The following MTHFD1L variants were observed in gnomAD, a reference collection of about 807,000 sequenced individuals.
MTHFD1L encodes the protein monofunctional C1-tetrahydrofolate synthase, mitochondrial.
In MTHFD1L, 81 loss-of-function variants were observed where a neutral mutation model predicts 119.5. That is an observed-to-expected ratio of 0.68 (90% CI 0.57 to 0.82). MTHFD1L has a LOEUF of 0.82. Among genes scored for constraint, MTHFD1L ranks in the 40% least tolerant of loss-of-function variants. MTHFD1L has a pLI of 0.00. For missense variants in MTHFD1L, 1,125 were observed against 1,253.4 expected (o/e 0.90, Z 1.55); for synonymous variants, 430 against 475.2 (o/e 0.90, Z 1.24).
intron 24 of MTHFD1L, among the ~76,000 whole-genome samples, chr6:151,031,200 A>C (rs1219347191): frequency 6.6e-6 from 1 of 152,222 alleles, no homozygotes; most frequent in African/African-American, 2.4e-5. Context: ...GTTCTTCCTT[A>C]AACACTGCAC....
intron 4 of MTHFD1L, among the ~76,000 whole-genome samples, chr6:150,882,295 G>C (rs1781505732): frequency 2.6e-5 from 4 of 152,226 alleles, no homozygotes; most frequent in Admixed American, 2.6e-4. Flanking sequence ...TGATTAGTGA[G>C]CTGTGTTGAA....
At chr6:150,943,642 A>G (rs803447) in intron 13 of MTHFD1L, among the ~76,000 whole-genome samples, 97,161 of 152,052 alleles carry the variant, frequency 0.64, 31,791 homozygotes, top group African/African-American at 0.79. Flanking sequence ...AGTAGCGTAT[A>G]TATCCAGCCT....
chr6:151,080,893 CT>C (rs1266022759), intron 26 of MTHFD1L, among the ~76,000 whole-genome samples: 1 of 152,264 alleles, frequency 6.6e-6, no homozygotes, highest in South Asian at 2.1e-4. Flanking sequence ...TGCTTATGAC[CT>C]TTTTGGGTTG....
intron 20 of MTHFD1L, among the ~76,000 whole-genome samples, chr6:150,988,992 A>G (rs888082999): frequency 3.9e-5 from 6 of 152,154 alleles, no homozygotes; most frequent in African/African-American, 1.4e-4. Flanking sequence ...TGCCCACCTC[A>G]GCTTCCCAAA....
At chr6:151,066,298 G>C (rs927610765) in intron 26 of MTHFD1L, among the ~76,000 whole-genome samples, 1 of 151,808 alleles carries the variant, frequency 6.6e-6, no homozygotes, top group Non-Finnish European at 1.5e-5. Flanking sequence ...TCAGCCTGGC[G>C]TGGTGGCAGG....
intron 26 of MTHFD1L, among the ~76,000 whole-genome samples, chr6:151,086,270 G>GTC (rs1160808219): frequency 6.6e-6 from 1 of 152,022 alleles, no homozygotes; most frequent in Non-Finnish European, 1.5e-5. Flanking sequence ...TATAGTGTGT[G>GTC]TCTCTCTCTC....
rs182033032 is a variant in MTHFD1L, at chr6:150,905,920, T to C, written c.892+159T>C. On this transcript the variant is annotated intron_variant, in intron 8 of 27. Transcript: ENST00000367321. ...GACTGTGGGCTACCTGATAGAACCATGCTGTTGAGCAAAGAGAGACCAAGA... is the reference window on the plus strand; with the variant it reads ...GACTGTGGGCTACCTGATAGAACCACGCTGTTGAGCAAAGAGAGACCAAGA... Among the ~76,000 whole-genome samples the C allele has an allele frequency of 6.6e-5, 10 of 152,328 alleles. No homozygotes were observed. The East Asian group carries it at 1.9e-3, about 29-fold the overall frequency.
At chr6:151,097,548 C>T (rs977436669) in intron 27 of MTHFD1L, among the ~76,000 whole-genome samples, 1 of 152,182 alleles carries the variant, frequency 6.6e-6, no homozygotes, top group Non-Finnish European at 1.5e-5. Flanking sequence ...AGCTAAAAAG[C>T]TTACCCTCAT....
intron 5 of MTHFD1L, among the ~76,000 whole-genome samples, chr6:150,883,976 G>A (rs182783278): frequency 2.9e-3 from 444 of 152,116 alleles, no homozygotes; most frequent in Admixed American, 4.7e-3. Flanking sequence ...TGTGACTTGA[G>A]TAGACCCAAA....
intron 16 of MTHFD1L, among the ~76,000 whole-genome samples, chr6:150,949,911 G>A (rs1256275206): frequency 6.6e-6 from 1 of 152,160 alleles, no homozygotes; most frequent in African/African-American, 2.4e-5. Flanking sequence ...CAGAAACACG[G>A]CAACCACATT....
chr6:150,956,188 C>T, intron 17 of MTHFD1L, 117 bp downstream of exon 17: 1 of 1,031,370 alleles, frequency 9.7e-7, no homozygotes, highest in Admixed American at 1.9e-5. Flanking sequence ...CAGTGGTTCT[C>T]TCACTGTTTT....
intron 20 of MTHFD1L, among the ~76,000 whole-genome samples, chr6:151,000,335 CAAAAAAAAA>C (rs946814251): frequency 0.021 from 1,603 of 75,340 alleles, 98 homozygotes; most frequent in Admixed American, 0.17. Context: ...GACTCTGTCT[CAAAAAAAAA>C]AAAAAAAAGA....
At chr6:150,884,261 C>T (rs1480092038) in intron 5 of MTHFD1L, among the ~76,000 whole-genome samples, 1 of 151,738 alleles carries the variant, frequency 6.6e-6, no homozygotes, top group South Asian at 2.1e-4. Context: ...CCTGCCTCAG[C>T]CTCCCGAGTA....
At chr6:150,973,197 A>T (rs182990993) in intron 20 of MTHFD1L, among the ~76,000 whole-genome samples, 2 of 152,360 alleles carry the variant, frequency 1.3e-5, no homozygotes, top group East Asian at 3.9e-4. Flanking sequence ...TTATTTTATT[A>T]GAAGAGAGTG....
intron 26 of MTHFD1L, among the ~76,000 whole-genome samples, chr6:151,040,552 A>G (rs1428847303): frequency 1.3e-5 from 2 of 152,066 alleles, no homozygotes; most frequent in African/African-American, 4.8e-5. Flanking sequence ...CTACTTAAAC[A>G]AAAATTAGCC....
rs778112478 is a variant in MTHFD1L at position 150,932,801 on chromosome 6, A to AG, written c.1257-4001dup. ...AAAAAAAAGAGAAAGGAAGAAAGGG[A>AG]GGAAGAGAGGGAGGGAGGAAGGAAG... On this transcript the variant is annotated intron_variant, in intron 11 of 27. Coordinates refer to ENST00000367321, the MANE Select transcript of MTHFD1L (RefSeq NM_015440.5). Among the ~76,000 whole-genome samples, 418 of 132,112 alleles carry AG rather than the reference A, an allele frequency of 3.2e-3. 4 individuals carry two copies. Among genetic ancestry groups the AG allele is most frequent in the Non-Finnish European group, 4.4e-3 (274 of 62,532 alleles). The allele number at this position is 132,112 out of a possible 152,430, so 86.7% of individuals were successfully genotyped here.
rs563256072 is a variant in MTHFD1L at position 151,002,684 on chromosome 6, G to A, written c.2126-7135G>A. On this transcript the variant is annotated intron_variant, in intron 20 of 27. Coordinates refer to ENST00000367321, the MANE Select transcript of MTHFD1L (RefSeq NM_015440.5). ...CCACGCTGGACGGAATTTTTACTGC[G>A]ATAATTCATATTCCAGGATCTTACA... is the stretch of plus-strand genomic sequence containing the variant. Among the ~76,000 whole-genome samples, 7 of 152,326 alleles carry A rather than the reference G, an allele frequency of 4.6e-5. No individual in the cohort carries two copies. In the South Asian group the frequency reaches 8.3e-4, roughly 18 times the overall value.
At chr6:151,038,024 TAGATAAAAAGTGC>T (rs1786447698) in intron 26 of MTHFD1L, among the ~76,000 whole-genome samples, 1 of 152,246 alleles carries the variant, frequency 6.6e-6, no homozygotes, top group Non-Finnish European at 1.5e-5. Flanking sequence ...AAGCAATAGA[TAGATAAAAAGTGC>T]AGATTCTTGC....
intron 26 of MTHFD1L, among the ~76,000 whole-genome samples, chr6:151,087,614 T>C (rs1162834806): frequency 1.3e-5 from 2 of 152,238 alleles, no homozygotes; most frequent in Non-Finnish European, 2.9e-5. Flanking sequence ...AAGAAAATTA[T>C]GGTTAGAAAT....
Sources: gnomAD v4.1 joint callset for allele counts (sites outside exome capture counted in the v4.1 genomes callset) on GRCh38, gnomAD v4.1.1 for gene constraint, MANE v1.5 for transcripts, NCBI Gene and HGNC (gene_info 2026-07-23, HGNC 2026-07-21) for gene names.